Variants in WDFY3 observed in about 807,000 individuals in gnomAD.
WDFY3 encodes the protein WD repeat and FYVE domain containing 3, also known as WD repeat and FYVE domain-containing protein 3.
In WDFY3, 66 loss-of-function variants were observed where a neutral mutation model predicts 409.6. That is an observed-to-expected ratio of 0.16 (90% CI 0.13 to 0.20). WDFY3 has a LOEUF of 0.20. Ranked by LOEUF, WDFY3 falls within the 10% of genes least tolerant of loss-of-function variation. The pLI, the probability that WDFY3 is intolerant of heterozygous loss-of-function variation, is 1.00. For synonymous variants in WDFY3, 1,521 were observed against 1,537.1 expected (o/e 0.99, Z 0.25); for missense variants, 3,031 against 4,298.1 (o/e 0.71, Z 8.24).
intron 3 of WDFY3, among the ~76,000 whole-genome samples, chr4:84,877,995 TTTG>T (rs1578943502): frequency 1.3e-5 from 2 of 152,332 alleles, no homozygotes; most frequent in East Asian, 3.9e-4. Context: ...AGAAGACAAC[TTTG>T]TTTTTTATGG....
At chr4:84,862,375 G>A (rs1373780597) in intron 3 of WDFY3, among the ~76,000 whole-genome samples, 2 of 152,172 alleles carry the variant, frequency 1.3e-5, no homozygotes, top group Non-Finnish European at 2.9e-5. Context: ...GCTGGGGGGA[G>A]CATTTAATCT....
At chr4:84,844,463 T>C (rs1757804638) in intron 5 of WDFY3, 1 of 1,289,494 alleles carries the variant, frequency 7.8e-7, no homozygotes, top group Non-Finnish European at 1.0e-6. Flanking sequence ...TACCTGAAGG[T>C]GTTGTGGCTT....
At chr4:84,916,786 T>C (rs572281586) in intron 2 of WDFY3, among the ~76,000 whole-genome samples, 7 of 152,324 alleles carry the variant, frequency 4.6e-5, no homozygotes, top group Admixed American at 4.6e-4. Context: ...ATAATTTCAG[T>C]TCAAAATAAT....
chr4:84,817,687 A>T, intron 12 of WDFY3, 102 bp from the exon 13 acceptor site: 1 of 1,071,792 alleles, frequency 9.3e-7, no homozygotes. Flanking sequence ...AAAGTAACTC[A>T]TAATAATGTA....
chr4:84,751,773 T>A, intron 35 of WDFY3, 57 bp from the exon 36 acceptor site: 2 of 1,578,032 alleles, frequency 1.3e-6, no homozygotes, highest in Non-Finnish European at 1.7e-6. Context: ...CATTTTTACT[T>A]CTGTGTTTCC....
In WDFY3 at chr4:84,757,025, G is replaced by A. The variant is rs1169962199; in HGVS notation, c.5325C>T (p.Leu1775=). 4 of 1,614,062 alleles carry A rather than the reference G, an allele frequency of 2.5e-6. No individual in the cohort carries two copies. The highest frequency in any genetic ancestry group is 3.3e-5 in the Admixed American group (2 of 60,012). ...KHTNVPALYF[L]LMALFLQQPV... is the part of the protein sequence containing the mutation. ...GCTGCTGCAGAAACAAGGCCATGAG[G>A]AGAAAATAGAGGGCAGGGACATTAG... Residue 1775 remains leucine, a synonymous_variant, in exon 33 of 68, where the codon CTC becomes CTT. Transcript: ENST00000295888.
chr4:84,779,985 G>T, intron 26 of WDFY3, 123 bp downstream of exon 26: 1 of 1,088,464 alleles, frequency 9.2e-7, no homozygotes, highest in African/African-American at 1.6e-5. Context: ...TAAAACTACT[G>T]TCTCTTTAAG....
chr4:84,803,481 AAG>A lies in WDFY3; in HGVS notation c.2430-16_2430-15del, dbSNP rs749489487. The A allele has an allele frequency of 6.9e-6, 11 of 1,595,164 alleles. No individual in the cohort carries two copies. In the Admixed American group the frequency reaches 1.6e-4, roughly 23 times the overall value. On this transcript the variant is annotated splice_polypyrimidine_tract_variant and intron_variant, in intron 15 of 67. Transcript: ENST00000295888. ...TGATATGCATGCCTATAAAAAAAGA[AAG>A]AGTAAATTTGGTATTGAATTCCAAT...
chr4:84,724,393 C>T, intron 46 of WDFY3, 33 bp downstream of exon 46: 2 of 1,564,536 alleles, frequency 1.3e-6, no homozygotes. Flanking sequence ...GTTCCAAAAT[C>T]ACTTTTAATC....
intron 25 of WDFY3, among the ~76,000 whole-genome samples, chr4:84,780,965 A>G (rs931008440): frequency 1.3e-5 from 2 of 152,116 alleles, no homozygotes; most frequent in Admixed American, 6.6e-5. Flanking sequence ...ATTTCTGAGT[A>G]AGTAAGAGTG....
intron 7 of WDFY3, among the ~76,000 whole-genome samples, chr4:84,834,070 C>T (rs1418535750): frequency 6.6e-6 from 1 of 152,118 alleles, no homozygotes; most frequent in African/African-American, 2.4e-5. Flanking sequence ...AAAGTGTATT[C>T]TCAGAGGGGT....
At chr4:84,702,285 G>T (rs992305324) in intron 56 of WDFY3, 68 bp downstream of exon 56, 3 of 1,461,422 alleles carry the variant, frequency 2.1e-6, no homozygotes, top group African/African-American at 2.9e-5. Context: ...AATCTTCAGA[G>T]AAGTGACTTA....
At chr4:84,866,310 G>T (rs1004501741) in intron 3 of WDFY3, among the ~76,000 whole-genome samples, 1 of 152,148 alleles carries the variant, frequency 6.6e-6, no homozygotes, top group Middle Eastern at 3.2e-3. Context: ...ATGAATCAAG[G>T]TTAAACACCA....
At chr4:84,959,237 G>C (rs1015399540) in intron 1 of WDFY3, among the ~76,000 whole-genome samples, 1 of 151,864 alleles carries the variant, frequency 6.6e-6, no homozygotes, top group South Asian at 2.1e-4. Flanking sequence ...TTTATAGACT[G>C]CAACCCCATG....
chr4:84,877,338 C>T (rs1249622026), intron 3 of WDFY3, among the ~76,000 whole-genome samples: 1 of 152,124 alleles, frequency 6.6e-6, no homozygotes, highest in Non-Finnish European at 1.5e-5. Context: ...AGAAGCTTTC[C>T]AGCTTTCCTT....
At chr4:84,771,756 G>A (rs1039354036) in intron 30 of WDFY3, among the ~76,000 whole-genome samples, 8 of 152,154 alleles carry the variant, frequency 5.3e-5, no homozygotes, top group Non-Finnish European at 1.0e-4. Flanking sequence ...CACTTAGTAA[G>A]TATTCAATAA....
Position 84,718,578 on chromosome 4 carries a change from G to A in WDFY3, c.7606-8C>T, listed in dbSNP as rs771529177. 2 of 1,602,002 alleles carry A rather than the reference G, an allele frequency of 1.2e-6. No individual in the cohort carries two copies. Among genetic ancestry groups the A allele is most frequent in the East Asian group, 4.5e-5 (2 of 44,838 alleles). On this transcript the variant is annotated splice_polypyrimidine_tract_variant and splice_region_variant and intron_variant, in intron 47 of 67. Transcript: ENST00000295888. ...GCGGTACATGTGTTGGATCTATAAA[G>A]AAGCCCACAAACATTCATTAATATA...
At chr4:84,794,784 A>T (rs1453034217) in intron 20 of WDFY3, 47 bp from the exon 21 acceptor site, 2 of 1,527,652 alleles carry the variant, frequency 1.3e-6, no homozygotes, top group Admixed American at 2.2e-5. Context: ...TAATATTTAT[A>T]TTTTTTAAAA....
rs770105013 is a variant in WDFY3, at chr4:84,837,085, G to A, written c.420C>T (p.Thr140=). ...CTGACATTGTTGTCATGCAGTCCAC[G>A]GTTTTCTGGAAAACAAGCCAATAAA... The part of the protein sequence containing the change: ...INLLASSGQK[T]VDCMTTMSVP... The change falls in exon 7 of 68, where the codon ACC becomes ACT. Residue 140 remains threonine, a synonymous_variant. Coordinates refer to ENST00000295888, the MANE Select transcript of WDFY3 (RefSeq NM_014991.6). 35 of 1,506,240 alleles carry A rather than the reference G, an allele frequency of 2.3e-5. No homozygotes were observed. The highest frequency in any genetic ancestry group is 2.9e-5 in the Non-Finnish European group (32 of 1,122,084). 93.3% of individuals were successfully genotyped at this position (1,506,240 alleles called of 1,614,324 possible). A position where few individuals can be genotyped will look rare whatever the true frequency, so the allele number is the denominator to read the frequency against.
Sources: allele counts gnomAD v4.1 joint callset (sites outside exome capture counted in the v4.1 genomes callset), GRCh38; gene constraint gnomAD v4.1.1; transcripts MANE v1.5; gene names NCBI Gene and HGNC (gene_info 2026-07-23, HGNC 2026-07-21).